The following NAT9 variants were observed in gnomAD, a reference collection of about 807,000 sequenced individuals.
NAT9 encodes the protein alpha/beta-tubulin-N-acetyltransferase 9.
A neutral mutation model predicts 24.0 loss-of-function variants in NAT9; 18 were observed. The ratio of observed to expected loss-of-function variants is 0.75; its 90% CI spans 0.52 to 1.11. The LOEUF (loss-of-function observed/expected upper bound fraction) is 1.11, where lower values mean the gene tolerates loss of function less well. Among genes scored for constraint, NAT9 ranks in the 50% most tolerant of loss-of-function variants. The pLI, the probability that NAT9 is intolerant of heterozygous loss-of-function variation, is 0.00. For missense variants in NAT9, 254 were observed against 258.6 expected, an observed-to-expected ratio of 0.98 and a Z score of 0.12; for synonymous variants, 104 against 102.3, an observed-to-expected ratio of 1.02 and a Z score of -0.10.
rs1210343344 is a variant in NAT9 at position 74,772,276 on chromosome 17, C to T, written c.336G>A (p.Glu112=). ...TLGEIEVMIA[E]PSCRGKGLGT... is the part of the protein sequence containing the mutation. Reference sequence around the variant, plus strand: ...CAAGGCCCTTACCCCTGCAGCTGGGCTCTAGGAGAGACAACAGGAGCGGCG... The same window carrying T: ...CAAGGCCCTTACCCCTGCAGCTGGGTTCTAGGAGAGACAACAGGAGCGGCG... The change falls in exon 5 of 7, where the codon GAG becomes GAA. Residue 112 remains glutamate, a splice_region_variant and synonymous_variant. Coordinates refer to ENST00000357814, the MANE Select transcript of NAT9 (RefSeq NM_015654.5). The T allele has an allele frequency of 9.9e-6, 16 of 1,614,040 alleles. No homozygotes were observed. The highest frequency in any genetic ancestry group is 1.4e-5 in the Non-Finnish European group (16 of 1,180,034).
At position 74,771,497 on chromosome 17, in the gene NAT9, G is replaced by A. The variant is rs899809360; in HGVS notation, c.*227C>T. The A allele has an allele frequency of 7.8e-6, 5 of 641,726 alleles. No individual in the cohort carries two copies. The highest frequency in any genetic ancestry group is 5.5e-5 in the African/African-American group (3 of 54,650). The allele number at this position is 641,726 out of a possible 1,614,324, so 39.8% of individuals were successfully genotyped here. Reference sequence around the variant, plus strand: ...TTCCAGCTTCCTAGAGTCTGGGTCTGGGTTTGGCCGGGAGGGGAGAAGGGA... The same window carrying A: ...TTCCAGCTTCCTAGAGTCTGGGTCTAGGTTTGGCCGGGAGGGGAGAAGGGA... On this transcript the variant is annotated 3_prime_UTR_variant, in exon 7 of 7. Transcript: ENST00000357814.
intron 4 of NAT9, chr17:74,772,587 A>G: frequency 7.1e-7 from 1 of 1,400,852 alleles, no homozygotes; most frequent in Non-Finnish European, 9.2e-7. Context: ...CTGTAATATG[A>G]CAACATGCTC....
In NAT9 at chr17:74,771,647, G is replaced by C; in HGVS notation, c.*77C>G. ...AGCCTGGGCCAGGAGCACTCTCCCA[G>C]TGCAGGGCTCTGGTCTTTGAAGTGT... On this transcript the variant is annotated 3_prime_UTR_variant, in exon 7 of 7. Coordinates refer to ENST00000357814, the MANE Select transcript of NAT9 (RefSeq NM_015654.5). The C allele has an allele frequency of 6.3e-7, 1 of 1,585,862 alleles. No individual in the cohort carries two copies. Among genetic ancestry groups the C allele is most frequent in the South Asian group, 1.1e-5 (1 of 89,698 alleles).
intron 2 of NAT9, 119 bp downstream of exon 2, chr17:74,775,503 A>G: frequency 1.2e-5 from 10 of 843,282 alleles, no homozygotes; most frequent in South Asian, 2.3e-5. Context: ...TTCCCCCCTC[A>G]TATATAATTA....
At chr17:74,775,796 G>C (rs1598397563) in intron 1 of NAT9, 89 bp from the exon 2 acceptor site, 2 of 990,428 alleles carry the variant, frequency 2.0e-6, no homozygotes, top group East Asian at 4.9e-5. Context: ...CTGGGGCTAA[G>C]TTGACTTCCG....
chr17:74,774,551 C>CTCTTT (rs1555603915), intron 2 of NAT9, among the ~76,000 whole-genome samples: 248 of 130,146 alleles, frequency 1.9e-3, no homozygotes, highest in African/African-American at 5.7e-3. Context: ...AGGCTGGTCT[C>CTCTTT]TTTTTTTTTT....
At position 74,773,618 on chromosome 17, in the gene NAT9, G is replaced by C; in HGVS notation, c.148C>G (p.Gln50Glu). Residue 50 changes from glutamine (Q) to glutamate (E), a missense_variant, in exon 3 of 7, where the codon CAG (glutamine) becomes GAG (glutamate). Gln to Glu is a conservative substitution (Grantham distance 29). Transcript: ENST00000357814. ...LTASEPLTLE[Q>E]EYAMQCSWQE... Reference sequence around the variant, plus strand: ...CAGCTGCACTGCATGGCATACTCCTGCTCCAGGGTCAGCGGCTCCGAGGCT... The same window carrying C: ...CAGCTGCACTGCATGGCATACTCCTCCTCCAGGGTCAGCGGCTCCGAGGCT... 6.2e-7 allele frequency: 1 copy of C among 1,614,102 alleles called. No homozygotes were observed. The highest frequency in any genetic ancestry group is 8.5e-7 in the Non-Finnish European group (1 of 1,180,012).
At chr17:74,774,787 T>TG (rs1386810324) in intron 2 of NAT9, among the ~76,000 whole-genome samples, 4 of 152,220 alleles carry the variant, frequency 2.6e-5, no homozygotes, top group Non-Finnish European at 5.9e-5. Flanking sequence ...CCTGAGCTTG[T>TG]GATCCGCCTG....
intron 2 of NAT9, 98 bp from the exon 3 acceptor site, chr17:74,773,786 C>T (rs1480487586): frequency 9.8e-7 from 1 of 1,017,278 alleles, no homozygotes; most frequent in Admixed American, 1.8e-5. Context: ...TAACATAGGG[C>T]TCAAAGAAGA....
At position 74,771,817 on chromosome 17, in the gene NAT9, C is replaced by T. The variant is rs768991797; in HGVS notation, c.531G>A (p.Leu177=). ...ACTGATGCTCGGACTCACTCACTGT[C>T]AGTCTGAGGGTCACCTCCTGAAAAA... ...SSVFQEVTLR[L]TVSESEHQWL... Residue 177 remains leucine (L), a synonymous_variant, in exon 7 of 7, where the codon CTG becomes CTA. Coordinates refer to ENST00000357814, the MANE Select transcript of NAT9 (RefSeq NM_015654.5). 2.5e-6 allele frequency: 4 copies of T among 1,614,226 alleles called. No homozygotes were observed. Among genetic ancestry groups the T allele is most frequent in the South Asian group, 1.1e-5 (1 of 91,090 alleles).
In NAT9 at chr17:74,771,773, C is replaced by T. The variant is rs752571231; in HGVS notation, c.575G>A (p.Ser192Asn). ...TCTGTAAGGCTTCTCTTCCACGTGG[C>T]TGGTCTGCTCCAGAAGCCACTGATG... is the stretch of plus-strand genomic sequence containing the variant. ...SEHQWLLEQT[S>N]HVEEKPYRDG... The change falls in exon 7 of 7, where the codon AGC becomes AAC. Residue 192 changes from serine to asparagine, a missense_variant. Transcript: ENST00000357814. 1 of 1,614,136 alleles carries T rather than the reference C, an allele frequency of 6.2e-7. No individual in the cohort carries two copies. The highest frequency in any genetic ancestry group is 8.5e-7 in the Non-Finnish European group (1 of 1,180,042).
At chr17:74,772,663 C>T in intron 4 of NAT9, 1 of 1,211,536 alleles carries the variant, frequency 8.3e-7, no homozygotes, top group South Asian at 1.7e-5. Context: ...TTGAATCTAC[C>T]CCAAACCAAG....
Position 74,771,736 on chromosome 17 carries a change from T to C in NAT9, c.612A>G (p.Ala204=). ...VEEKPYRDGS[A]EPC ...CAAGGCCCAGCCATCAGCAGGGCTC[T>C]GCCGACCCATCTCTGTAAGGCTTCT... Residue 204 remains alanine, a synonymous_variant, in exon 7 of 7, where the codon GCA becomes GCG. Coordinates refer to ENST00000357814, the MANE Select transcript of NAT9 (RefSeq NM_015654.5). 6.2e-7 allele frequency: 1 copy of C among 1,613,780 alleles called. No individual in the cohort carries two copies.
intron 4 of NAT9, chr17:74,772,586 GACA>G: frequency 7.1e-7 from 1 of 1,400,972 alleles, no homozygotes; most frequent in Non-Finnish European, 9.2e-7. Context: ...CCTGTAATAT[GACA>G]ACATGCTCCA....
chr17:74,774,411 ATTTTTT>A (rs1376637159), intron 2 of NAT9, among the ~76,000 whole-genome samples: 1 of 127,238 alleles, frequency 7.9e-6, no homozygotes. Context: ...AGGTTCTGCT[ATTTTTT>A]TTTTTTTTTT....
intron 2 of NAT9, 73 bp downstream of exon 2, chr17:74,775,549 G>A (rs2035926499): frequency 8.1e-7 from 1 of 1,229,482 alleles, no homozygotes. Flanking sequence ...AGGGGAAATA[G>A]CCCTGAGACT....
At position 74,772,296 on chromosome 17, in the gene NAT9, G is replaced by A. The variant is rs1188615678; in HGVS notation, c.335-19C>T. 2 of 1,613,412 alleles carry A rather than the reference G, an allele frequency of 1.2e-6. No homozygotes were observed. The highest frequency in any genetic ancestry group is 2.2e-5 in the South Asian group (2 of 91,072). On this transcript the variant is annotated intron_variant, in intron 4 of 6. Coordinates refer to ENST00000357814, the MANE Select transcript of NAT9 (RefSeq NM_015654.5). The stretch of plus-strand genomic sequence containing the variant: ...CTGGGCTCTAGGAGAGACAACAGGA[G>A]CGGCGCTGACGCCGTGTGCCAGGCT...
chr17:74,773,353 C>T (rs2035500593), intron 3 of NAT9: 4 of 596,218 alleles, frequency 6.7e-6, no homozygotes, highest in Non-Finnish European at 8.9e-6. Context: ...GCTCTACTTT[C>T]TCCAAATCCT....
chr17:74,772,746 G>T, intron 4 of NAT9, 150 bp downstream of exon 4: 1 of 1,265,702 alleles, frequency 7.9e-7, no homozygotes. Flanking sequence ...GAGGGGGCTA[G>T]GTGGGCAGGC....
Sources: gnomAD v4.1 joint callset for allele counts (sites outside exome capture counted in the v4.1 genomes callset) on GRCh38, gnomAD v4.1.1 for gene constraint, MANE v1.5 for transcripts, NCBI Gene and HGNC (gene_info 2026-07-23, HGNC 2026-07-21) for gene names.